Variants in EPHB1 observed in about 807,000 individuals in gnomAD.
EPHB1 encodes the protein ephrin type-B receptor 1.
Under a neutral mutation model 94.4 loss-of-function variants are expected in EPHB1, and 30 were observed. That is an observed-to-expected ratio of 0.32 (90% confidence interval 0.24 to 0.43). EPHB1 has a LOEUF of 0.43. Among genes scored for constraint, EPHB1 ranks in the 20% least tolerant of loss-of-function variants. The pLI is 1.00. For synonymous variants in EPHB1, 522 were observed against 489.1 expected, an observed-to-expected ratio of 1.07 and a Z score of -0.89; for missense variants, 1,055 against 1,308.3, an observed-to-expected ratio of 0.81 and a Z score of 2.99.
intron 3 of EPHB1, among the ~76,000 whole-genome samples, chr3:134,980,685 AC>A (rs772558881): frequency 2.0e-5 from 3 of 152,178 alleles, no homozygotes; most frequent in Non-Finnish European, 4.4e-5. Flanking sequence ...TCCCTGGCAT[AC>A]CAGGTCAGAG....
chr3:135,146,734 A>G (rs1350668514), intron 5 of EPHB1, among the ~76,000 whole-genome samples: 1 of 152,206 alleles, frequency 6.6e-6, no homozygotes, highest in Non-Finnish European at 1.5e-5. Flanking sequence ...CTTGGTCGAC[A>G]TATTTATATA....
intron 15 of EPHB1, 36 bp from the exon 16 acceptor site, chr3:135,258,976 A>T (rs1437383039): frequency 2.0e-6 from 3 of 1,516,154 alleles, no homozygotes; most frequent in Admixed American, 3.8e-5. Context: ...CTAACCTAAC[A>T]CTAAAGTGAC....
chr3:135,098,356 G>GTT (rs1257795662), intron 3 of EPHB1, among the ~76,000 whole-genome samples: 1 of 152,144 alleles, frequency 6.6e-6, no homozygotes, highest in Non-Finnish European at 1.5e-5. Context: ...GTGTGTGTGT[G>GTT]TGTGTATAAA....
intron 1 of EPHB1, among the ~76,000 whole-genome samples, chr3:134,912,331 A>C (rs1012782183): frequency 4.6e-5 from 7 of 152,244 alleles, no homozygotes; most frequent in South Asian, 2.1e-4. Context: ...CTTAGAATTC[A>C]TGGTGCTGGA....
At chr3:135,124,912 C>T (rs1940137646) in intron 4 of EPHB1, among the ~76,000 whole-genome samples, 1 of 151,608 alleles carries the variant, frequency 6.6e-6, no homozygotes. Flanking sequence ...CAGGCATCAG[C>T]CAACCTTCTA....
chr3:135,104,756 G>T (rs1939149796), intron 3 of EPHB1, among the ~76,000 whole-genome samples: 2 of 152,196 alleles, frequency 1.3e-5, no homozygotes, highest in South Asian at 4.1e-4. Context: ...ACACATTTGG[G>T]TTGTGCCATT....
At chr3:134,805,989 C>T (rs1009208502) in intron 1 of EPHB1, among the ~76,000 whole-genome samples, 1 of 152,084 alleles carries the variant, frequency 6.6e-6, no homozygotes, top group African/African-American at 2.4e-5. Context: ...CATGGCATCC[C>T]CAGCACATAG....
At chr3:134,980,728 A>G (rs1934370851) in intron 3 of EPHB1, among the ~76,000 whole-genome samples, 1 of 152,194 alleles carries the variant, frequency 6.6e-6, no homozygotes. Flanking sequence ...TTTGCTGAGG[A>G]TAAATACTCA....
In EPHB1 at chr3:134,902,174, G is replaced by A. The variant is rs1388641215; in HGVS notation, c.59-23642G>A. 2.6e-5 allele frequency among the ~76,000 whole-genome samples: 4 copies of A among 152,222 alleles called. No individual in the cohort carries two copies. In the East Asian group the frequency reaches 7.7e-4, roughly 29 times the overall value. ...AGACAGTAGTTAGGGGCTGATGCAG[G>A]TGCCTAGGAGAGAGGGGGCTGTGGC... is the stretch of plus-strand genomic sequence containing the variant. On this transcript the variant is annotated intron_variant, in intron 1 of 15. Coordinates refer to ENST00000398015, the MANE Select transcript of EPHB1 (RefSeq NM_004441.5).
intron 3 of EPHB1, among the ~76,000 whole-genome samples, chr3:134,982,690 C>T (rs1934452446): frequency 2.0e-5 from 3 of 151,980 alleles, no homozygotes; most frequent in South Asian, 4.1e-4. Flanking sequence ...AAAAATATGA[C>T]AAGTCAGTAT....
At chr3:134,869,336 C>G (rs1435646600) in intron 1 of EPHB1, among the ~76,000 whole-genome samples, 1 of 152,168 alleles carries the variant, frequency 6.6e-6, no homozygotes. Context: ...GTTGGTTGCT[C>G]TCTCTGGGCT....
At chr3:135,065,946 T>G (rs1277235260) in intron 3 of EPHB1, among the ~76,000 whole-genome samples, 1 of 152,240 alleles carries the variant, frequency 6.6e-6, no homozygotes, top group Non-Finnish European at 1.5e-5. Context: ...ATATATTTCC[T>G]TAGCATATGA....
chr3:135,198,271 C>T (rs1942674656), intron 11 of EPHB1, among the ~76,000 whole-genome samples: 1 of 152,208 alleles, frequency 6.6e-6, no homozygotes, highest in African/African-American at 2.4e-5. Flanking sequence ...ATAACTCAAA[C>T]CCACACCGTG....
chr3:135,222,152 C>T (rs1943290326), intron 12 of EPHB1, among the ~76,000 whole-genome samples: 1 of 152,132 alleles, frequency 6.6e-6, no homozygotes, highest in African/African-American at 2.4e-5. Flanking sequence ...ACTTCATGAG[C>T]CTCAGTTCTC....
chr3:134,996,937 G>C (rs1055407656), intron 3 of EPHB1, among the ~76,000 whole-genome samples: 1 of 152,030 alleles, frequency 6.6e-6, no homozygotes. Flanking sequence ...TTTTAATGTA[G>C]TTTGATCTAT....
chr3:134,933,247 T>C (rs1039353775), intron 2 of EPHB1, among the ~76,000 whole-genome samples: 1 of 152,178 alleles, frequency 6.6e-6, no homozygotes, highest in Admixed American at 6.5e-5. Context: ...CTAAGACGTC[T>C]GTCTGCAGCA....
In EPHB1 at chr3:134,887,778, C is replaced by T. The variant is rs77150128; in HGVS notation, c.59-38038C>T. Among the ~76,000 whole-genome samples, 117 of 152,252 alleles carry T rather than the reference C, an allele frequency of 7.7e-4. No individual in the cohort carries two copies. In the East Asian group the frequency reaches 0.021, roughly 27 times the overall value. ...CATATCCATGAAGTATTTAGAGCTC[C>T]TTGTAAGGAGAGAACTACATCAATA... On this transcript the variant is annotated intron_variant, in intron 1 of 15. Coordinates refer to ENST00000398015, the MANE Select transcript of EPHB1 (RefSeq NM_004441.5).
intron 4 of EPHB1, among the ~76,000 whole-genome samples, chr3:135,121,237 TTGGCCCAG>T (rs1437537819): frequency 6.6e-6 from 1 of 152,186 alleles, no homozygotes; most frequent in Non-Finnish European, 1.5e-5. Flanking sequence ...CTGATGGACT[TTGGCCCAG>T]TGGCTACCAA....
In EPHB1 at chr3:134,851,555, C is replaced by T. The variant is rs371189674; in HGVS notation, c.58+55866C>T. ...TATGCATTGGTTTGCATGGGAGGAACACCTGGGCTGTCTTGGCCTCTGCAG... is the reference window on the plus strand; with the variant it reads ...TATGCATTGGTTTGCATGGGAGGAATACCTGGGCTGTCTTGGCCTCTGCAG... On this transcript the variant is annotated intron_variant, in intron 1 of 15. Transcript: ENST00000398015. Among the ~76,000 whole-genome samples, 8 of 152,354 alleles carry T rather than the reference C, an allele frequency of 5.3e-5. No homozygotes were observed. The East Asian group carries it at 9.6e-4, about 18-fold the overall frequency.
Sources: allele counts gnomAD v4.1 joint callset (sites outside exome capture counted in the v4.1 genomes callset), GRCh38; gene constraint gnomAD v4.1.1; transcripts MANE v1.5; gene names NCBI Gene and HGNC (gene_info 2026-07-23, HGNC 2026-07-21).